IFT81: variants seen among roughly 807,000 people sequenced by gnomAD.
IFT81 encodes the protein intraflagellar transport protein 81 homolog.
Under a neutral mutation model 102.6 loss-of-function variants are expected in IFT81, and 72 were observed. The observed-to-expected ratio is 0.70, with a 90% CI of 0.58 to 0.85. The LOEUF (loss-of-function observed/expected upper bound fraction) is 0.85, where lower values mean the gene tolerates loss of function less well. IFT81 is among the 40% of genes least tolerant of loss of function. The pLI, the probability that IFT81 is intolerant of heterozygous loss-of-function variation, is 0.00. For synonymous variants in IFT81, 237 were observed against 242.7 expected, an observed-to-expected ratio of 0.98 and a Z score of 0.22; for missense variants, 723 against 787.3, an observed-to-expected ratio of 0.92 and a Z score of 0.98.
chr12:110,180,597 T>A, intron 12 of IFT81, 26 bp downstream of exon 12: 3 of 1,550,104 alleles, frequency 1.9e-6, no homozygotes, highest in Non-Finnish European at 2.6e-6. Flanking sequence ...CTTGGGCTAC[T>A]ATAAATACAA....
At chr12:110,161,122 CCTT>C (rs1025122004) in intron 10 of IFT81, among the ~76,000 whole-genome samples, 1 of 148,408 alleles carries the variant, frequency 6.7e-6, no homozygotes, top group Non-Finnish European at 1.5e-5. Context: ...TTCTATCATT[CCTT>C]CTTCACCACT....
At chr12:110,172,919 A>C (rs1365866312) in intron 11 of IFT81, among the ~76,000 whole-genome samples, 2 of 151,644 alleles carry the variant, frequency 1.3e-5, no homozygotes, top group East Asian at 2.0e-4. Flanking sequence ...TCCGCCCGGC[A>C]GCCGCCCCGT....
intron 12 of IFT81, among the ~76,000 whole-genome samples, chr12:110,188,158 C>T (rs888311232): frequency 2.0e-5 from 3 of 151,936 alleles, no homozygotes; most frequent in Non-Finnish European, 2.9e-5. Flanking sequence ...CAGTGAAACC[C>T]TGTCTCTACT....
At chr12:110,194,766 G>A (rs1275413799) in intron 14 of IFT81, among the ~76,000 whole-genome samples, 3 of 152,070 alleles carry the variant, frequency 2.0e-5, no homozygotes, top group Admixed American at 6.6e-5. Flanking sequence ...AGCTCCATAT[G>A]TATTTTCCAG....
intron 5 of IFT81, among the ~76,000 whole-genome samples, chr12:110,133,751 G>C (rs188879535): frequency 1.7e-4 from 26 of 152,188 alleles, no homozygotes; most frequent in African/African-American, 6.0e-4. Flanking sequence ...GTTGTAATCC[G>C]CCTCTTTCAA....
intron 9 of IFT81, among the ~76,000 whole-genome samples, chr12:110,144,225 G>T (rs1593294407): frequency 1.4e-5 from 2 of 146,510 alleles, no homozygotes; most frequent in South Asian, 4.3e-4. Flanking sequence ...TTTGTTTTTT[G>T]TTTTTTTTTG....
intron 1 of IFT81, 25 bp from the exon 2 acceptor site, chr12:110,127,335 T>G: frequency 7.0e-7 from 1 of 1,431,770 alleles, no homozygotes; most frequent in South Asian, 1.6e-5. Context: ...TATTAAGGAT[T>G]TTTTTTTCTA....
rs142389466 is a variant in IFT81 at position 110,158,763 on chromosome 12, G to A, written c.1042-4156G>A. The stretch of plus-strand genomic sequence containing the variant: ...CGCCACCACGCCCGTCTAATTTTTT[G>A]TATTTTAATTAGAGACAGGGTTTCA... On this transcript the variant is annotated intron_variant, in intron 10 of 18. Transcript: ENST00000242591. Among the ~76,000 whole-genome samples the A allele has an allele frequency of 2.3e-3, 342 of 151,988 alleles. 2 individuals carry two copies. The highest frequency in any genetic ancestry group is 3.8e-3 in the Non-Finnish European group (256 of 67,992).
chr12:110,209,640 G>C (rs1028838435), intron 18 of IFT81, among the ~76,000 whole-genome samples: 6 of 151,772 alleles, frequency 4.0e-5, no homozygotes, highest in African/African-American at 1.5e-4. Context: ...GTGGTGGCAG[G>C]CGCCTGTAAT....
chr12:110,127,375 C>A lies in IFT81; in HGVS notation c.-6C>A. 2 of 1,535,862 alleles carry A rather than the reference C, an allele frequency of 1.3e-6. No individual in the cohort carries two copies. Among genetic ancestry groups the A allele is most frequent in the Non-Finnish European group, 1.7e-6 (2 of 1,147,780 alleles). ...TACTCTTTAGTTAAAATTATAAGAC[C>A]TAATTATGAGTGATCAAATTAAATT... On this transcript the variant is annotated 5_prime_UTR_variant, in exon 2 of 19. Coordinates refer to ENST00000242591, the MANE Select transcript of IFT81 (RefSeq NM_014055.4).
At chr12:110,169,952 TTTTA>T (rs1486789447) in intron 11 of IFT81, among the ~76,000 whole-genome samples, 1 of 152,016 alleles carries the variant, frequency 6.6e-6, no homozygotes, top group East Asian at 1.9e-4. Context: ...TCTTTATTTA[TTTTA>T]TTTATTTATT....
In IFT81 at chr12:110,218,125, C is replaced by A; in HGVS notation, c.1930C>A (p.Gln644Lys). ...KQAKMWRDLE[Q>K]LMECKKQCFL... ...AGCAAAAATGTGGCGTGATTTGGAACAATTAATGGAATGTAAGAAACAGTG... is the reference window on the plus strand; with the variant it reads ...AGCAAAAATGTGGCGTGATTTGGAAAAATTAATGGAATGTAAGAAACAGTG... The change falls in exon 19 of 19, where the codon CAA becomes AAA. Residue 644 changes from glutamine (Q) to lysine (K), a missense_variant. Transcript: ENST00000242591. The A allele has an allele frequency of 1.9e-6, 3 of 1,598,944 alleles. No individual in the cohort carries two copies. Among genetic ancestry groups the A allele is most frequent in the Non-Finnish European group, 2.6e-6 (3 of 1,175,414 alleles).
chr12:110,163,286 G>T (rs1312348297), intron 11 of IFT81, among the ~76,000 whole-genome samples: 1 of 151,710 alleles, frequency 6.6e-6, no homozygotes, highest in Non-Finnish European at 1.5e-5. Flanking sequence ...TGTCACCCAG[G>T]CTGGGGTGCA....
At position 110,205,586 on chromosome 12, in the gene IFT81, T is replaced by C. The variant is rs368958744; in HGVS notation, c.1717-9T>C. 9 of 1,596,918 alleles carry C rather than the reference T, an allele frequency of 5.6e-6. No homozygotes were observed. Among genetic ancestry groups the C allele is most frequent in the Non-Finnish European group, 6.0e-6 (7 of 1,174,600 alleles). ...AAGTCTTCCCTAAAACTGAAGTCTTTCTATTTAGAACCTAGAAGTTCAACT... is the reference window on the plus strand; with the variant it reads ...AAGTCTTCCCTAAAACTGAAGTCTTCCTATTTAGAACCTAGAAGTTCAACT... On this transcript the variant is annotated splice_polypyrimidine_tract_variant and intron_variant, in intron 16 of 18. Transcript: ENST00000242591.
intron 10 of IFT81, among the ~76,000 whole-genome samples, chr12:110,159,888 A>C (rs954225219): frequency 1.3e-5 from 2 of 152,198 alleles, no homozygotes; most frequent in Non-Finnish European, 2.9e-5. Context: ...ATTGATTGAA[A>C]TTAGCCTCAC....
intron 10 of IFT81, among the ~76,000 whole-genome samples, chr12:110,161,745 C>T (rs1294972849): frequency 3.9e-5 from 6 of 152,082 alleles, no homozygotes; most frequent in African/African-American, 1.2e-4. Flanking sequence ...TGAGCCACTG[C>T]ACCCAGCCTC....
intron 4 of IFT81, among the ~76,000 whole-genome samples, chr12:110,130,220 C>T (rs1894081681): frequency 6.6e-6 from 1 of 152,078 alleles, no homozygotes; most frequent in Admixed American, 6.6e-5. Context: ...AGAAGCACAG[C>T]AGAATGAGAC....
chr12:110,127,380 T>C lies in IFT81; in HGVS notation c.-1T>C. 6.4e-7 allele frequency: 1 copy of C among 1,569,518 alleles called. No individual in the cohort carries two copies. Among genetic ancestry groups the C allele is most frequent in the Non-Finnish European group, 8.6e-7 (1 of 1,162,362 alleles). The stretch of plus-strand genomic sequence containing the variant: ...TTTAGTTAAAATTATAAGACCTAAT[T>C]ATGAGTGATCAAATTAAATTCATTA... On this transcript the variant is annotated 5_prime_UTR_variant, in exon 2 of 19. Transcript: ENST00000242591.
chr12:110,164,631 G>A (rs920693614), intron 11 of IFT81, among the ~76,000 whole-genome samples: 1 of 152,062 alleles, frequency 6.6e-6, no homozygotes, highest in African/African-American at 2.4e-5. Context: ...TTTTCTCTGT[G>A]GTACTTCAGG....
Sources: allele counts gnomAD v4.1 joint callset (sites outside exome capture counted in the v4.1 genomes callset), GRCh38; gene constraint gnomAD v4.1.1; transcripts MANE v1.5; gene names NCBI Gene and HGNC (gene_info 2026-07-23, HGNC 2026-07-21).